Variants in SHISA9 observed in about 807,000 individuals in gnomAD.
SHISA9 encodes the protein shisa family member 9.
In SHISA9, 13 loss-of-function variants were observed where a neutral mutation model predicts 38.0. The observed-to-expected ratio is 0.34, with a 90% CI of 0.22 to 0.54. The LOEUF (loss-of-function observed/expected upper bound fraction) is 0.54. Ranked by LOEUF, SHISA9 falls within the 20% of genes least tolerant of loss-of-function variation. The pLI is 0.91. For synonymous variants in SHISA9, 275 were observed against 242.0 expected, an observed-to-expected ratio of 1.14 and a Z score of -1.27; for missense variants, 538 against 575.8, an observed-to-expected ratio of 0.93 and a Z score of 0.67.
chr16:13,559,329 C>A, the SHISA9 span, among the ~76,000 whole-genome samples: 6 of 151,688 alleles, frequency 4.0e-5, no homozygotes, highest in Admixed American at 1.3e-4. Context: ...GATCACACAG[C>A]AAACTGGGGT....
At chr16:12,989,192 C>T (rs1356811520) in intron 2 of SHISA9, among the ~76,000 whole-genome samples, 1 of 149,854 alleles carries the variant, frequency 6.7e-6, no homozygotes, top group Non-Finnish European at 1.5e-5. Context: ...TAGGAATTTG[C>T]TTTGTTTCCT....
intron 2 of SHISA9, among the ~76,000 whole-genome samples, chr16:12,960,675 C>G (rs1379101964): frequency 1.3e-5 from 2 of 152,128 alleles, no homozygotes; most frequent in African/African-American, 4.8e-5. Flanking sequence ...AACAGAAAAC[C>G]GCACATCATG....
intron 2 of SHISA9, among the ~76,000 whole-genome samples, chr16:13,195,229 A>T (rs1006001368): frequency 3.3e-5 from 5 of 152,238 alleles, no homozygotes; most frequent in Non-Finnish European, 5.9e-5. Flanking sequence ...AATCTATACA[A>T]GATGAGCCTG....
the SHISA9 span, among the ~76,000 whole-genome samples, chr16:13,316,524 G>C: frequency 1.3e-5 from 2 of 152,106 alleles, no homozygotes; most frequent in South Asian, 4.1e-4. Flanking sequence ...AGTAAAAATG[G>C]AAACCATCAT....
At chr16:13,234,329 T>A (rs941036989) in intron 4 of SHISA9, among the ~76,000 whole-genome samples, 2 of 152,214 alleles carry the variant, frequency 1.3e-5, no homozygotes, top group African/African-American at 4.8e-5. Context: ...AGATAATATC[T>A]AAGCACTTTA....
intron 2 of SHISA9, among the ~76,000 whole-genome samples, chr16:12,965,143 C>T (rs1246914850): frequency 6.6e-6 from 1 of 152,044 alleles, no homozygotes; most frequent in African/African-American, 2.4e-5. Context: ...TCTCAGCCTC[C>T]AGGAAATTTC....
rs762892696 is a variant in SHISA9, at chr16:13,238,125, ATC to A, written c.*2722_*2723del. On this transcript the variant is annotated 3_prime_UTR_variant, in exon 5 of 5. Transcript: ENST00000558583. ...CCTGGGGTTCTTTCTTTCTCTCTCC[ATC>A]TCTCTGTTTCTGTTTCTCTCTCTCT... is the stretch of plus-strand genomic sequence containing the variant. 1.3e-5 allele frequency: 2 copies of A among 151,950 alleles called. No individual in the cohort carries two copies. Among genetic ancestry groups the A allele is most frequent in the Non-Finnish European group, 2.9e-5 (2 of 67,994 alleles). 9.4% of individuals were successfully genotyped at this position (151,950 alleles called of 1,614,324 possible).
chr16:13,327,363 C>G, the SHISA9 span, among the ~76,000 whole-genome samples: 1 of 152,078 alleles, frequency 6.6e-6, no homozygotes, highest in African/African-American at 2.4e-5. Context: ...TGCCTATAAT[C>G]CCAGCACTTT....
At chr16:13,476,209 C>T in the SHISA9 span, among the ~76,000 whole-genome samples, 1 of 152,118 alleles carries the variant, frequency 6.6e-6, no homozygotes, top group South Asian at 2.1e-4. Context: ...CACTCCCCTG[C>T]CCCAGACTTT....
At chr16:13,357,813 A>G in the SHISA9 span, among the ~76,000 whole-genome samples, 2 of 150,434 alleles carry the variant, frequency 1.3e-5, no homozygotes, top group African/African-American at 2.4e-5. Context: ...GGGGGTCGCA[A>G]GGTGCTCAGT....
chr16:12,922,466 G>T (rs2071339876), intron 2 of SHISA9, among the ~76,000 whole-genome samples: 1 of 152,174 alleles, frequency 6.6e-6, no homozygotes, highest in African/African-American at 2.4e-5. Context: ...CATTAGAGAG[G>T]ACTTCACTGT....
At chr16:13,065,778 G>C (rs2073427329) in intron 2 of SHISA9, among the ~76,000 whole-genome samples, 1 of 152,206 alleles carries the variant, frequency 6.6e-6, no homozygotes, top group Non-Finnish European at 1.5e-5. Flanking sequence ...ACTGTTGTCT[G>C]GTGCTCCTAG....
At chr16:13,517,167 A>G in the SHISA9 span, among the ~76,000 whole-genome samples, 1 of 152,160 alleles carries the variant, frequency 6.6e-6, no homozygotes, top group Non-Finnish European at 1.5e-5. Context: ...GGCCACAAAG[A>G]AAAAAGCAGA....
intron 2 of SHISA9, among the ~76,000 whole-genome samples, chr16:13,130,751 AACC>A (rs1376345993): frequency 1.3e-5 from 2 of 152,212 alleles, no homozygotes; most frequent in East Asian, 3.8e-4. Context: ...TCAACCCCTC[AACC>A]CTGCCACAGT....
At chr16:13,312,435 G>C in the SHISA9 span, among the ~76,000 whole-genome samples, 2 of 152,150 alleles carry the variant, frequency 1.3e-5, no homozygotes, top group Non-Finnish European at 2.9e-5. Context: ...CACAGACACT[G>C]AATGACGACT....
chr16:13,127,454 G>C (rs986474677), intron 2 of SHISA9, among the ~76,000 whole-genome samples: 2 of 151,834 alleles, frequency 1.3e-5, no homozygotes, highest in Non-Finnish European at 2.9e-5. Context: ...GAGATCGAGG[G>C]AGGGAGAGAG....
rs538408176 is a variant in SHISA9 at position 13,034,834 on chromosome 16, C to G, written c.691+118019C>G. 8.5e-5 allele frequency among the ~76,000 whole-genome samples: 13 copies of G among 152,310 alleles called. 1 individual carries two copies. In the South Asian group the frequency reaches 1.9e-3, roughly 22 times the overall value. On this transcript the variant is annotated intron_variant, in intron 2 of 4. Coordinates refer to ENST00000558583, the MANE Select transcript of SHISA9 (RefSeq NM_001145204.3). ...GATGAAGGAGGAGAGACATGTGAAA[C>G]AGACCCAGGTCATTCCCTTCTCCCA... is the stretch of plus-strand genomic sequence containing the variant.
chr16:13,177,726 A>G (rs12925052), intron 2 of SHISA9, among the ~76,000 whole-genome samples: 18,468 of 151,906 alleles, frequency 0.12, 1,161 homozygotes, highest in Middle Eastern at 0.21. Context: ...CTAGAGTGCA[A>G]TGGCGCAGTC....
intron 2 of SHISA9, among the ~76,000 whole-genome samples, chr16:13,020,013 CTCCT>C (rs2072832365): frequency 1.9e-5 from 1 of 53,712 alleles, no homozygotes; most frequent in African/African-American, 6.9e-5. Flanking sequence ...CCTTCCTTCC[CTCCT>C]TCCTTCCTTC....
Sources: allele counts gnomAD v4.1 joint callset (sites outside exome capture counted in the v4.1 genomes callset), GRCh38; gene constraint gnomAD v4.1.1; transcripts MANE v1.5; gene names NCBI Gene and HGNC (gene_info 2026-07-23, HGNC 2026-07-21).